TF: variants seen among roughly 807,000 people sequenced by gnomAD.
TF encodes transferrin, also known as serotransferrin.
A neutral mutation model predicts 82.4 loss-of-function variants in TF; 55 were observed. The ratio of observed to expected loss-of-function variants is 0.67; its 90% confidence interval spans 0.54 to 0.84. The LOEUF (loss-of-function observed/expected upper bound fraction) is 0.84, where lower values mean the gene tolerates loss of function less well. Ranked by LOEUF, TF falls within the 40% of genes least tolerant of loss-of-function variation. The pLI is 0.00. For synonymous variants in TF, 332 were observed against 332.6 expected (o/e 1.00, Z 0.02); for missense variants, 737 against 868.4 (o/e 0.85, Z 1.90).
the TF span, among the ~76,000 whole-genome samples, chr3:133,693,078 C>T: frequency 0.67 from 102,616 of 152,104 alleles, 34,975 homozygotes; most frequent in East Asian, 0.97. Flanking sequence ...TTTAAATATG[C>T]ACTGGCTGGG....
intron 15 of TF, among the ~76,000 whole-genome samples, chr3:133,776,701 A>G (rs1019144222): frequency 3.3e-5 from 5 of 152,114 alleles, no homozygotes; most frequent in African/African-American, 1.2e-4. Context: ...ATAACATCTG[A>G]AGGGACATGT....
intron 7 of TF, among the ~76,000 whole-genome samples, chr3:133,757,356 T>A (rs1306597728): frequency 6.6e-6 from 1 of 152,142 alleles, no homozygotes; most frequent in Non-Finnish European, 1.5e-5. Context: ...TCTCTCCCCA[T>A]GCCCCTCAGC....
chr3:133,724,665 T>A, the TF span, among the ~76,000 whole-genome samples: 43 of 152,338 alleles, frequency 2.8e-4, no homozygotes, highest in African/African-American at 9.9e-4. Context: ...TTTAATTAGA[T>A]CCCATTTGTC....
the TF span, among the ~76,000 whole-genome samples, chr3:133,708,516 A>G: frequency 1.3e-5 from 2 of 152,050 alleles, no homozygotes; most frequent in Non-Finnish European, 2.9e-5. Context: ...GGTTCAAGAT[A>G]TTCCCTCTCC....
the TF span, among the ~76,000 whole-genome samples, chr3:133,734,822 G>A: frequency 2.0e-5 from 3 of 149,676 alleles, no homozygotes; most frequent in South Asian, 4.2e-4. Flanking sequence ...AAAAAAACCT[G>A]TTAAATACAA....
chr3:133,693,706 A>T, the TF span, among the ~76,000 whole-genome samples: 1 of 152,178 alleles, frequency 6.6e-6, no homozygotes, highest in Admixed American at 6.5e-5. Context: ...TCCAGAAGGC[A>T]TATCCCATGA....
chr3:133,664,553 C>G, the TF span, among the ~76,000 whole-genome samples: 3 of 152,128 alleles, frequency 2.0e-5, no homozygotes, highest in African/African-American at 7.2e-5. Flanking sequence ...AACTCCTGAC[C>G]TCGTGATCCA....
At chr3:133,764,389 G>A in intron 10 of TF, 114 bp downstream of exon 10, 1 of 883,110 alleles carries the variant, frequency 1.1e-6, no homozygotes, top group Non-Finnish European at 1.9e-6. Context: ...TTCCCTCTCT[G>A]AGCACCTCCT....
In TF at chr3:133,755,410, A is replaced by G. The variant is rs139768770; in HGVS notation, c.550A>G (p.Thr184Ala). The change falls in exon 5 of 17, where the codon ACG becomes GCG. Residue 184 changes from threonine to alanine, a missense_variant. Coordinates refer to ENST00000402696, the MANE Select transcript of TF (RefSeq NM_001063.4). ...SGSCAPCADG[T>A]DFPQLCQLCP... ...CAGCTGTGCCCCTTGTGCGGATGGG[A>G]CGGACTTCCCCCAGCTGTGTCAACT... The G allele has an allele frequency of 1.1e-4, 172 of 1,614,048 alleles. No homozygotes were observed. In the Middle Eastern group the frequency reaches 3.0e-3, roughly 28 times the overall value.
At chr3:133,682,400 T>G in the TF span, among the ~76,000 whole-genome samples, 2 of 151,842 alleles carry the variant, frequency 1.3e-5, no homozygotes, top group Non-Finnish European at 2.9e-5. Flanking sequence ...TCGGTAATAA[T>G]AAACTTCTCC....
chr3:133,665,576 C>T, the TF span, among the ~76,000 whole-genome samples: 2 of 151,996 alleles, frequency 1.3e-5, no homozygotes, highest in Non-Finnish European at 2.9e-5. Context: ...GTTTCTCTGG[C>T]ACTTCTGTCA....
chr3:133,726,062 T>C, the TF span, among the ~76,000 whole-genome samples: 1 of 152,238 alleles, frequency 6.6e-6, no homozygotes, highest in African/African-American at 2.4e-5. Context: ...GGTTTGCCAG[T>C]ATTTTATTGA....
At chr3:133,679,569 C>CTTTTTTTTTTTGTTT in the TF span, among the ~76,000 whole-genome samples, 1 of 75,382 alleles carries the variant, frequency 1.3e-5, no homozygotes, top group Admixed American at 1.8e-4. Context: ...CTTTGTTTGG[C>CTTTTTTTTTTTGTTT]TTTTTTTTTT....
chr3:133,770,452 C>A, intron 13 of TF, 56 bp from the exon 14 acceptor site: 4 of 1,548,852 alleles, frequency 2.6e-6, no homozygotes, highest in Non-Finnish European at 3.6e-6. Context: ...CCCTGAATGA[C>A]AGATAAGTCA....
At chr3:133,728,229 G>A in the TF span, among the ~76,000 whole-genome samples, 1 of 152,100 alleles carries the variant, frequency 6.6e-6, no homozygotes, top group Non-Finnish European at 1.5e-5. Context: ...AGTTCTCCTG[G>A]ATAATATCCT....
chr3:133,762,308 G>T, intron 9 of TF: 1 of 167,112 alleles, frequency 6.0e-6, no homozygotes, highest in South Asian at 1.6e-4. Context: ...TGAAAGAAAG[G>T]ACTTACAGGA....
the TF span, among the ~76,000 whole-genome samples, chr3:133,728,646 T>C: frequency 6.6e-6 from 1 of 152,250 alleles, no homozygotes. Flanking sequence ...AGCCTTCTTC[T>C]CTCAACTTGT....
chr3:133,676,522 A>T, the TF span, among the ~76,000 whole-genome samples: 22,594 of 152,142 alleles, frequency 0.15, 1,919 homozygotes, highest in Non-Finnish European at 0.2. Context: ...GTCACGTCTG[A>T]GGCTGTTGTA....
At chr3:133,723,061 G>A in the TF span, among the ~76,000 whole-genome samples, 2 of 124,276 alleles carry the variant, frequency 1.6e-5, no homozygotes, top group East Asian at 4.9e-4. Flanking sequence ...ATTCTTGGTT[G>A]ACAGTTTTTT....
Sources: gnomAD v4.1 joint callset for allele counts (sites outside exome capture counted in the v4.1 genomes callset) on GRCh38, gnomAD v4.1.1 for gene constraint, MANE v1.5 for transcripts, NCBI Gene and HGNC (gene_info 2026-07-23, HGNC 2026-07-21) for gene names.